MSRA: variants seen among roughly 807,000 people sequenced by gnomAD.
MSRA encodes mitochondrial peptide methionine sulfoxide reductase.
In MSRA, 54 loss-of-function variants were observed where a neutral mutation model predicts 31.3. That is an observed-to-expected ratio of 1.73 (90% confidence interval 1.39 to 2.17). The LOEUF (loss-of-function observed/expected upper bound fraction) is 2.17, where lower values mean the gene tolerates loss of function less well. Ranked by LOEUF, MSRA falls within the 30% of genes most tolerant of loss-of-function variation. The pLI, the probability that MSRA is intolerant of heterozygous loss-of-function variation, is 0.00. For missense variants in MSRA, 507 were observed against 300.9 expected, an observed-to-expected ratio of 1.69 and a Z score of -5.07; for synonymous variants, 169 against 116.5, an observed-to-expected ratio of 1.45 and a Z score of -2.90.
chr8:10,202,721 T>C (rs1164294003), intron 1 of MSRA, among the ~76,000 whole-genome samples: 1 of 152,204 alleles, frequency 6.6e-6, no homozygotes, highest in Non-Finnish European at 1.5e-5. Context: ...TTCACACAGG[T>C]GATAATACCA....
chr8:10,198,396 C>T (rs543928267), intron 1 of MSRA, among the ~76,000 whole-genome samples: 1 of 152,104 alleles, frequency 6.6e-6, no homozygotes, highest in South Asian at 2.1e-4. Flanking sequence ...GAAAAAAGTA[C>T]TCATGGTCAT....
At chr8:10,243,639 A>G (rs1261653157) in intron 2 of MSRA, among the ~76,000 whole-genome samples, 1 of 152,204 alleles carries the variant, frequency 6.6e-6, no homozygotes, top group African/African-American at 2.4e-5. Context: ...TTATTACAGA[A>G]AAATTTGAAG....
In MSRA at chr8:10,319,919, G is replaced by A. The variant is rs750633665; in HGVS notation, c.473G>A (p.Arg158His). ...RQGNDHGTQY[R>H]SAIYPTSAKQ... Reference sequence around the variant, plus strand: ...GGGAACGACCATGGCACTCAGTACCGCTCGGCCATCTACCCGACCTCTGCC... The same window carrying A: ...GGGAACGACCATGGCACTCAGTACCACTCGGCCATCTACCCGACCTCTGCC... The change falls in exon 5 of 6, where the codon CGC becomes CAC. Residue 158 changes from arginine to histidine, a missense_variant. Physicochemically the swap from Arg to His is conservative, Grantham distance 29. Coordinates refer to ENST00000317173, the MANE Select transcript of MSRA (RefSeq NM_012331.5). 242 of 1,597,256 alleles carry A rather than the reference G, an allele frequency of 1.5e-4. No homozygotes were observed. The highest frequency in any genetic ancestry group is 1.9e-4 in the Non-Finnish European group (227 of 1,172,280).
At chr8:10,227,299 G>A (rs1210246639) in intron 2 of MSRA, among the ~76,000 whole-genome samples, 2 of 152,162 alleles carry the variant, frequency 1.3e-5, no homozygotes, top group African/African-American at 2.4e-5. Flanking sequence ...TCAAGGGAGA[G>A]AATTAGAGTG....
At chr8:10,230,373 G>A (rs1585224067) in intron 2 of MSRA, among the ~76,000 whole-genome samples, 1 of 152,308 alleles carries the variant, frequency 6.6e-6, no homozygotes, top group Non-Finnish European at 1.5e-5. Flanking sequence ...TGGAGATGGG[G>A]GTGTAGGAAG....
At chr8:10,345,161 G>T (rs918280535) in intron 5 of MSRA, among the ~76,000 whole-genome samples, 2 of 152,310 alleles carry the variant, frequency 1.3e-5, no homozygotes, top group South Asian at 4.1e-4. Context: ...TTCCTATGCT[G>T]ATGTTCCTTG....
intron 1 of MSRA, among the ~76,000 whole-genome samples, chr8:10,152,643 T>C (rs555867359): frequency 2.6e-5 from 4 of 152,264 alleles, no homozygotes; most frequent in East Asian, 1.9e-4. Flanking sequence ...GTACTTTTTT[T>C]CCCCCAAAAA....
At chr8:10,267,649 A>G (rs1798815891) in intron 3 of MSRA, among the ~76,000 whole-genome samples, 1 of 152,184 alleles carries the variant, frequency 6.6e-6, no homozygotes, top group African/African-American at 2.4e-5. Flanking sequence ...AGAGAGATAC[A>G]GGAAGGAGCA....
intron 1 of MSRA, among the ~76,000 whole-genome samples, chr8:10,104,422 G>T (rs555010043): frequency 1.3e-4 from 20 of 152,270 alleles, no homozygotes; most frequent in South Asian, 1.0e-3. Flanking sequence ...ACCTTTTAGG[G>T]AGACGTAAAA....
At chr8:10,192,916 T>C (rs1489197327) in intron 1 of MSRA, among the ~76,000 whole-genome samples, 2 of 152,262 alleles carry the variant, frequency 1.3e-5, no homozygotes, top group African/African-American at 4.8e-5. Flanking sequence ...AACATGCTTT[T>C]GAAATGTGAC....
intron 1 of MSRA, among the ~76,000 whole-genome samples, chr8:10,063,841 G>A (rs935850991): frequency 1.9e-4 from 29 of 152,180 alleles, no homozygotes; most frequent in African/African-American, 6.3e-4. Context: ...ATGGTAAATT[G>A]TTATAGCAGT....
chr8:10,309,763 T>G (rs554503414), intron 4 of MSRA, among the ~76,000 whole-genome samples: 10 of 152,256 alleles, frequency 6.6e-5, no homozygotes, highest in Non-Finnish European at 4.4e-5. Context: ...TCTTCTCTAC[T>G]TGGTGTCCTT....
intron 3 of MSRA, among the ~76,000 whole-genome samples, chr8:10,280,404 C>T (rs1428818157): frequency 1.3e-5 from 2 of 152,100 alleles, no homozygotes; most frequent in East Asian, 1.9e-4. Context: ...GTATCCCAAT[C>T]GTTTTGATAG....
chr8:10,337,689 T>C (rs1229377038), intron 5 of MSRA: 1 of 702,536 alleles, frequency 1.4e-6, no homozygotes, highest in Middle Eastern at 2.3e-4. Context: ...TTGAACCTTA[T>C]ACTCCTCCTC....
At chr8:10,142,559 C>T (rs568682166) in intron 1 of MSRA, among the ~76,000 whole-genome samples, 2 of 152,218 alleles carry the variant, frequency 1.3e-5, no homozygotes, top group Non-Finnish European at 2.9e-5. Context: ...TTTTTCCCCT[C>T]TCCTGGAAGG....
intron 2 of MSRA, among the ~76,000 whole-genome samples, chr8:10,241,639 G>T (rs1171898478): frequency 2.0e-5 from 3 of 152,128 alleles, no homozygotes; most frequent in Non-Finnish European, 4.4e-5. Context: ...TCACTATTTT[G>T]CAACTCTCCA....
chr8:10,111,569 T>C (rs115892060), intron 1 of MSRA, among the ~76,000 whole-genome samples: 1,950 of 152,292 alleles, frequency 0.013, 28 homozygotes, highest in African/African-American at 0.04. Context: ...CTTTTTCTTA[T>C]ATAGCGTTAA....
At chr8:10,084,088 G>C (rs1798426185) in intron 1 of MSRA, among the ~76,000 whole-genome samples, 1 of 152,226 alleles carries the variant, frequency 6.6e-6, no homozygotes, top group South Asian at 2.1e-4. Context: ...GGGTGCCATC[G>C]GGAGTCGAGG....
intron 1 of MSRA, among the ~76,000 whole-genome samples, chr8:10,139,731 T>C (rs867747222): frequency 7.2e-5 from 11 of 152,388 alleles, no homozygotes; most frequent in Middle Eastern, 3.4e-3. Flanking sequence ...TATGTATGTA[T>C]ATGTATATAC....
Sources: allele counts gnomAD v4.1 joint callset (sites outside exome capture counted in the v4.1 genomes callset), GRCh38; gene constraint gnomAD v4.1.1; transcripts MANE v1.5; gene names NCBI Gene and HGNC (gene_info 2026-07-23, HGNC 2026-07-21).